The following ST6GALNAC3 variants were observed in gnomAD, a reference collection of about 807,000 sequenced individuals.
ST6GALNAC3 encodes the protein ST6 N-acetylgalactosaminide alpha-2,6-sialyltransferase 3, also known as alpha-N-acetylgalactosaminide alpha-2,6-sialyltransferase 3.
ST6GALNAC3 carries 25 observed loss-of-function variants against 32.7 expected under a neutral mutation model. The ratio of observed to expected loss-of-function variants is 0.76; its 90% CI spans 0.56 to 1.07. ST6GALNAC3 has a LOEUF of 1.07. Ranked by LOEUF, ST6GALNAC3 falls within the 50% of genes least tolerant of loss-of-function variation. The pLI is 0.00. For missense variants in ST6GALNAC3, 355 were observed against 382.4 expected (o/e 0.93, Z 0.60); for synonymous variants, 129 against 133.1 (o/e 0.97, Z 0.21).
intron 1 of ST6GALNAC3, among the ~76,000 whole-genome samples, chr1:76,159,857 A>C (rs185225615): frequency 6.6e-6 from 1 of 152,320 alleles, no homozygotes; most frequent in Admixed American, 6.5e-5. Context: ...CATCAACCCT[A>C]CAAAGGAATT....
rs188843727 is a variant in ST6GALNAC3, at chr1:76,437,079, T to G, written c.623+24662T>G. Reference sequence around the variant, plus strand: ...GTTTTTAAAACTCCTGTGTTGACAATAGTAAGCGTGACTCCCCTCTGTGTA... The same window carrying G: ...GTTTTTAAAACTCCTGTGTTGACAAGAGTAAGCGTGACTCCCCTCTGTGTA... On this transcript the variant is annotated intron_variant, in intron 3 of 4. Transcript: ENST00000328299. 1.2e-4 allele frequency among the ~76,000 whole-genome samples: 18 copies of G among 152,228 alleles called. No individual in the cohort carries two copies. In the South Asian group the frequency reaches 3.5e-3, roughly 30 times the overall value.
At chr1:76,107,325 G>A (rs895234340) in intron 1 of ST6GALNAC3, among the ~76,000 whole-genome samples, 1 of 146,306 alleles carries the variant, frequency 6.8e-6, no homozygotes. Context: ...ATAATAATCA[G>A]GCATCCAATG....
At chr1:76,353,885 C>G (rs1649216301) in intron 2 of ST6GALNAC3, 2 of 156,138 alleles carry the variant, frequency 1.3e-5, no homozygotes. Context: ...GAACCCCAGC[C>G]TACTCCCCAA....
chr1:76,310,389 G>A (rs1308986527), intron 1 of ST6GALNAC3, among the ~76,000 whole-genome samples: 2 of 152,114 alleles, frequency 1.3e-5, no homozygotes, highest in Admixed American at 6.6e-5. Flanking sequence ...CTTAAATGAG[G>A]TAAGGCTGTG....
In ST6GALNAC3 at chr1:76,509,847, T is replaced by C. The variant is rs528511623; in HGVS notation, c.623+97430T>C. On this transcript the variant is annotated intron_variant, in intron 3 of 4. Coordinates refer to ENST00000328299, the MANE Select transcript of ST6GALNAC3 (RefSeq NM_152996.4). This position sits in a 1 kb window ranked among gnomAD's most constrained non-coding sequence, Gnocchi z 5.5. ...TCTTTTAAGGACCCCCATGGTTACA[T>C]TGGGCCAGAATAATCCTTCAAATTC... is the stretch of plus-strand genomic sequence containing the variant. Among the ~76,000 whole-genome samples the C allele has an allele frequency of 2.0e-5, 3 of 152,334 alleles. No individual in the cohort carries two copies. The highest frequency in any genetic ancestry group is 1.9e-4 in the East Asian group (1 of 5,184).
intron 2 of ST6GALNAC3, among the ~76,000 whole-genome samples, chr1:76,323,594 TGC>T (rs1435493688): frequency 6.6e-6 from 1 of 152,200 alleles, no homozygotes; most frequent in Non-Finnish European, 1.5e-5. Flanking sequence ...CAACGCACTG[TGC>T]TAGGCTCTGA....
chr1:76,517,606 T>A (rs1662250530), intron 3 of ST6GALNAC3, among the ~76,000 whole-genome samples: 1 of 151,982 alleles, frequency 6.6e-6, no homozygotes, highest in South Asian at 2.1e-4. Flanking sequence ...AATTATTTCC[T>A]TCAACTTTGT....
At position 76,488,038 on chromosome 1, in the gene ST6GALNAC3, G is replaced by C. The variant is rs531059585; in HGVS notation, c.623+75621G>C. 2.6e-5 allele frequency among the ~76,000 whole-genome samples: 4 copies of C among 152,290 alleles called. No homozygotes were observed. The South Asian group carries it at 6.2e-4, about 24-fold the overall frequency. On this transcript the variant is annotated intron_variant, in intron 3 of 4. Coordinates refer to ENST00000328299, the MANE Select transcript of ST6GALNAC3 (RefSeq NM_152996.4). Reference sequence around the variant, plus strand: ...TATCAGCAGCGGAGGCTGCAGAACAGAGAAGAATAAAACCAGAAGTCCTGG... The same window carrying C: ...TATCAGCAGCGGAGGCTGCAGAACACAGAAGAATAAAACCAGAAGTCCTGG...
At chr1:76,179,967 A>T (rs1395109694) in intron 1 of ST6GALNAC3, among the ~76,000 whole-genome samples, 10 of 152,166 alleles carry the variant, frequency 6.6e-5, no homozygotes, top group Admixed American at 6.5e-4. Context: ...TGTTAATTTC[A>T]TATACTGTTT....
intron 3 of ST6GALNAC3, chr1:76,576,772 G>T: frequency 8.6e-7 from 1 of 1,163,560 alleles, no homozygotes; most frequent in South Asian, 1.3e-5. Context: ...AGGGGGTTCT[G>T]ATAGCTAAAG....
Position 76,571,337 on chromosome 1 carries a change from C to A in ST6GALNAC3, c.624-56115C>A, listed in dbSNP as rs112013240. 6.3e-3 allele frequency among the ~76,000 whole-genome samples: 966 copies of A among 152,174 alleles called. 6 individuals are homozygous for A. Among genetic ancestry groups the A allele is most frequent in the African/African-American group, 0.022 (926 of 41,524 alleles). On this transcript the variant is annotated intron_variant, in intron 3 of 4. Transcript: ENST00000328299. ...CACTGTTTCTAGACCTTAGCTGGAA[C>A]TCTTGGACCAAAAAATGTGAGCTAC...
Position 76,478,759 on chromosome 1 carries a change from T to A in ST6GALNAC3, c.623+66342T>A, listed in dbSNP as rs147713513. Among the ~76,000 whole-genome samples, 232 of 143,914 alleles carry A rather than the reference T, an allele frequency of 1.6e-3. 4 individuals carry two copies. In the East Asian group the frequency reaches 0.035, roughly 22 times the overall value. 94.4% of individuals were successfully genotyped at this position (143,914 alleles called of 152,430 possible). A position where few individuals can be genotyped will look rare whatever the true frequency, so the allele number is the denominator to read the frequency against. The stretch of plus-strand genomic sequence containing the variant: ...GTATTCCTTCCCCTAGTTTATTAAT[T>A]CTTTTTTTTTTTTTTTTTTTTGAGA... On this transcript the variant is annotated intron_variant, in intron 3 of 4. Transcript: ENST00000328299.
chr1:76,149,935 T>C (rs1056686587), intron 1 of ST6GALNAC3, among the ~76,000 whole-genome samples: 10 of 152,194 alleles, frequency 6.6e-5, no homozygotes, highest in African/African-American at 1.9e-4. Flanking sequence ...GATTCTTAAA[T>C]AGAGGGAACC....
At chr1:76,254,802 C>T (rs1438490935) in intron 1 of ST6GALNAC3, among the ~76,000 whole-genome samples, 3 of 151,990 alleles carry the variant, frequency 2.0e-5, no homozygotes, top group African/African-American at 7.3e-5. Context: ...TTCATGAATC[C>T]GTTCGCATCC....
chr1:76,465,434 A>G (rs908021648), intron 3 of ST6GALNAC3, among the ~76,000 whole-genome samples: 3 of 152,190 alleles, frequency 2.0e-5, no homozygotes, highest in African/African-American at 7.2e-5. Flanking sequence ...GTGTCGTCTC[A>G]ATGGAAAGTT....
At chr1:76,439,974 T>C (rs1035682920) in intron 3 of ST6GALNAC3, among the ~76,000 whole-genome samples, 4 of 152,266 alleles carry the variant, frequency 2.6e-5, no homozygotes, top group African/African-American at 9.6e-5. Flanking sequence ...TTAGTTTATA[T>C]GTTGTTATAA....
intron 1 of ST6GALNAC3, among the ~76,000 whole-genome samples, chr1:76,294,226 A>C (rs1194344853): frequency 6.6e-6 from 1 of 152,086 alleles, no homozygotes; most frequent in Non-Finnish European, 1.5e-5. Flanking sequence ...TTTTTATTAA[A>C]TTTCTGAAAC....
At chr1:76,568,731 A>G (rs1665696201) in intron 3 of ST6GALNAC3, among the ~76,000 whole-genome samples, 2 of 152,152 alleles carry the variant, frequency 1.3e-5, no homozygotes. Context: ...AGGTGCATTA[A>G]TGAGCTGTGG....
intron 1 of ST6GALNAC3, among the ~76,000 whole-genome samples, chr1:76,113,093 C>G (rs1359142246): frequency 6.6e-6 from 1 of 152,152 alleles, no homozygotes; most frequent in East Asian, 1.9e-4. Context: ...CCCGGCACCT[C>G]GGGAGGCCGA....
Sources: gnomAD v4.1 joint callset for allele counts (sites outside exome capture counted in the v4.1 genomes callset) on GRCh38, gnomAD v4.1.1 for gene constraint, Gnocchi (gnomAD v3.1) non-coding constraint, MANE v1.5 for transcripts, NCBI Gene and HGNC (gene_info 2026-07-23, HGNC 2026-07-21) for gene names.